Variants in BLTP1 observed in about 807,000 individuals in gnomAD.
BLTP1 encodes the protein bridge-like lipid transfer protein family member 1.
the BLTP1 span, chr4:122,239,801 T>G: frequency 1.9e-6 from 3 of 1,614,072 alleles, no homozygotes; most frequent in South Asian, 2.2e-5. Flanking sequence ...CAGCAGACTC[T>G]AATTCATTTC....
At chr4:122,305,864 A>T in the BLTP1 span, 1 of 1,561,904 alleles carries the variant, frequency 6.4e-7, no homozygotes, top group Non-Finnish European at 8.6e-7. Context: ...TTGAGCTTTA[A>T]ATTTTATTTT....
chr4:122,273,299 A>G, the BLTP1 span: 6,261 of 983,524 alleles, frequency 6.4e-3, 306 homozygotes, highest in African/African-American at 0.099. Context: ...TATTTACTCA[A>G]AAAACTAATT....
chr4:122,302,466 T>C, the BLTP1 span, among the ~76,000 whole-genome samples: 2 of 152,226 alleles, frequency 1.3e-5, no homozygotes, highest in Admixed American at 1.3e-4. Context: ...ATGTCTGTTA[T>C]AATGCTCTGT....
chr4:122,300,438 G>C, the BLTP1 span, among the ~76,000 whole-genome samples: 1 of 152,020 alleles, frequency 6.6e-6, no homozygotes, highest in South Asian at 2.1e-4. Flanking sequence ...TATGTACAAA[G>C]GTCTTTTTTG....
chr4:122,186,697 T>A, the BLTP1 span, among the ~76,000 whole-genome samples: 1 of 152,002 alleles, frequency 6.6e-6, no homozygotes, highest in Non-Finnish European at 1.5e-5. Flanking sequence ...AAAATACATA[T>A]CTGTGTATGT....
chr4:122,289,971 A>G, the BLTP1 span: 1 of 191,294 alleles, frequency 5.2e-6, no homozygotes, highest in Non-Finnish European at 9.6e-6. Context: ...TCGTATCCCA[A>G]AACTTAAGAA....
At chr4:122,318,177 C>T in the BLTP1 span, 1 of 1,607,494 alleles carries the variant, frequency 6.2e-7, no homozygotes, top group Non-Finnish European at 8.5e-7. Context: ...GAACCATAAA[C>T]CAGGAAATTC....
chr4:122,343,277 C>A, the BLTP1 span: 72 of 1,134,214 alleles, frequency 6.3e-5, no homozygotes, highest in Non-Finnish European at 8.8e-5. Context: ...ATCTATTGAT[C>A]TGTTAAATCT....
the BLTP1 span, chr4:122,204,700 A>G: frequency 1.8e-6 from 1 of 546,872 alleles, no homozygotes; most frequent in Non-Finnish European, 2.3e-6. Context: ...CTGATGAATG[A>G]TGAATATATT....
chr4:122,194,125 G>A, the BLTP1 span, among the ~76,000 whole-genome samples: 1 of 152,132 alleles, frequency 6.6e-6, no homozygotes, highest in Non-Finnish European at 1.5e-5. Context: ...GCCTCTCAAA[G>A]TGCTGGGATT....
the BLTP1 span, chr4:122,223,222 G>A: frequency 2.3e-6 from 2 of 857,288 alleles, no homozygotes; most frequent in African/African-American, 3.7e-5. Context: ...AGTTTCTTAT[G>A]AATTAGAGTT....
chr4:122,292,084 C>T, the BLTP1 span, among the ~76,000 whole-genome samples: 1 of 151,142 alleles, frequency 6.6e-6, no homozygotes, highest in Non-Finnish European at 1.5e-5. Flanking sequence ...GATTCTCCTG[C>T]CTCAGCCTCC....
At chr4:122,205,500 T>G in the BLTP1 span, among the ~76,000 whole-genome samples, 2 of 54,810 alleles carry the variant, frequency 3.6e-5, no homozygotes, top group Non-Finnish European at 7.7e-5. Flanking sequence ...TCCAATTGTT[T>G]CTCTCTCTCT....
the BLTP1 span, chr4:122,255,185 G>A: frequency 6.2e-7 from 1 of 1,611,036 alleles, no homozygotes; most frequent in Non-Finnish European, 8.5e-7. Context: ...TACAAAAGTT[G>A]CTCGCTTTCT....
the BLTP1 span, among the ~76,000 whole-genome samples, chr4:122,347,977 G>C: frequency 6.6e-6 from 1 of 151,448 alleles, no homozygotes; most frequent in Admixed American, 6.6e-5. Context: ...AAGACAGCTA[G>C]ATGGCCAGTA....
At chr4:122,337,003 G>A in the BLTP1 span, 1 of 1,608,078 alleles carries the variant, frequency 6.2e-7, no homozygotes. Flanking sequence ...AGATGTTGTG[G>A]TTTATGTACG....
At chr4:122,260,869 T>A in the BLTP1 span, among the ~76,000 whole-genome samples, 1 of 152,132 alleles carries the variant, frequency 6.6e-6, no homozygotes, top group Non-Finnish European at 1.5e-5. Flanking sequence ...CTGATATAGA[T>A]GCATACTATG....
chr4:122,209,435 A>AG, the BLTP1 span: 5,617 of 1,205,444 alleles, frequency 4.7e-3, 20 homozygotes, highest in Non-Finnish European at 5.3e-3. Flanking sequence ...ACCTGAGATC[A>AG]GGAGTTCGAG....
chr4:122,255,154 A>C, the BLTP1 span: 2 of 1,604,178 alleles, frequency 1.2e-6, no homozygotes, highest in African/African-American at 2.7e-5. Flanking sequence ...ATTTTCCCCT[A>C]AGAAGTAAAT....
Sources: gnomAD v4.1 joint callset for allele counts (sites outside exome capture counted in the v4.1 genomes callset) on GRCh38, gnomAD v4.1.1 for gene constraint, MANE v1.5 for transcripts, NCBI Gene and HGNC (gene_info 2026-07-23, HGNC 2026-07-21) for gene names.